Variants in SSBP2 observed in about 807,000 individuals in gnomAD.
SSBP2 encodes single-stranded DNA-binding protein 2.
Under a neutral mutation model 61.8 loss-of-function variants are expected in SSBP2, and 17 were observed. That is an observed-to-expected ratio of 0.28 (90% CI 0.19 to 0.41). SSBP2 has a LOEUF of 0.41. Ranked by LOEUF, SSBP2 falls within the 10% of genes least tolerant of loss-of-function variation. The pLI is 1.00. For missense variants in SSBP2, 310 were observed against 458.7 expected (o/e 0.68, Z 2.96); for synonymous variants, 139 against 141.3 (o/e 0.98, Z 0.12).
intron 1 of SSBP2, among the ~76,000 whole-genome samples, chr5:81,701,734 T>C (rs1753996870): frequency 1.3e-5 from 2 of 152,232 alleles, no homozygotes; most frequent in Admixed American, 6.5e-5. Flanking sequence ...TTTGTCACTT[T>C]GTTCCATCCT....
chr5:81,643,195 T>C (rs1309171842), intron 2 of SSBP2, among the ~76,000 whole-genome samples: 1 of 152,176 alleles, frequency 6.6e-6, no homozygotes, highest in African/African-American at 2.4e-5. Context: ...ATGCCGGCAG[T>C]ACCTTTTTGG....
At chr5:81,668,245 GT>G (rs1230230794) in intron 1 of SSBP2, among the ~76,000 whole-genome samples, 1 of 54,758 alleles carries the variant, frequency 1.8e-5, no homozygotes, top group African/African-American at 8.3e-5. Context: ...TTATATGGAA[GT>G]TTAAAAAAAA....
intron 15 of SSBP2, among the ~76,000 whole-genome samples, chr5:81,432,340 CATG>C (rs1402093593): frequency 6.6e-6 from 1 of 152,128 alleles, no homozygotes; most frequent in Non-Finnish European, 1.5e-5. Context: ...ATTTATTAAA[CATG>C]ATATGATCAG....
rs1765312338 is a variant in SSBP2, at chr5:81,472,473, C to G, written c.570+1227G>C. On this transcript the variant is annotated intron_variant, in intron 8 of 16. Coordinates refer to ENST00000320672, the MANE Select transcript of SSBP2 (RefSeq NM_012446.5). ...ATGTTTATTTCTAAATGGTTTTCTACTGTTTTCCCATTCTATAATGAAATA... is the reference window on the plus strand; with the variant it reads ...ATGTTTATTTCTAAATGGTTTTCTAGTGTTTTCCCATTCTATAATGAAATA... 2.0e-5 allele frequency among the ~76,000 whole-genome samples: 3 copies of G among 152,278 alleles called. No homozygotes were observed. In the South Asian group the frequency reaches 6.2e-4, roughly 32 times the overall value.
chr5:81,588,009 G>A (rs1176296897), intron 4 of SSBP2, among the ~76,000 whole-genome samples: 2 of 152,116 alleles, frequency 1.3e-5, no homozygotes, highest in Non-Finnish European at 2.9e-5. Flanking sequence ...CTGTTGCCCA[G>A]GCTGGAGTGC....
chr5:81,583,876 C>A (rs752463338), intron 4 of SSBP2, among the ~76,000 whole-genome samples: 3 of 152,212 alleles, frequency 2.0e-5, no homozygotes, highest in Non-Finnish European at 4.4e-5. Flanking sequence ...TATTTCAAAT[C>A]TACCTTCATC....
intron 4 of SSBP2, among the ~76,000 whole-genome samples, chr5:81,559,137 C>T (rs554819924): frequency 1.7e-3 from 255 of 152,088 alleles, no homozygotes; most frequent in Non-Finnish European, 3.1e-3. Flanking sequence ...CCTGTAATCC[C>T]AGCACTTTGA....
chr5:81,685,466 A>G (rs925238597), intron 1 of SSBP2, among the ~76,000 whole-genome samples: 1 of 152,172 alleles, frequency 6.6e-6, no homozygotes, highest in Non-Finnish European at 1.5e-5. Flanking sequence ...GGAGGGAAAG[A>G]AGGAGTATAT....
At chr5:81,601,508 G>T (rs992311251) in intron 4 of SSBP2, among the ~76,000 whole-genome samples, 2 of 152,168 alleles carry the variant, frequency 1.3e-5, no homozygotes, top group Admixed American at 1.3e-4. Context: ...TCCTGGTACA[G>T]TTATTATACT....
At chr5:81,439,184 TC>T (rs1161164130) in intron 14 of SSBP2, among the ~76,000 whole-genome samples, 1 of 152,144 alleles carries the variant, frequency 6.6e-6, no homozygotes, top group Non-Finnish European at 1.5e-5. Context: ...CCTAAATTAC[TC>T]ATGAACATAT....
At chr5:81,697,922 T>G (rs192754430) in intron 1 of SSBP2, among the ~76,000 whole-genome samples, 1 of 152,194 alleles carries the variant, frequency 6.6e-6, no homozygotes, top group African/African-American at 2.4e-5. Flanking sequence ...ATTATCTGCC[T>G]CTATGGTAAA....
At chr5:81,434,654 A>AAAAAAAAAAC (rs1762559522) in intron 15 of SSBP2, among the ~76,000 whole-genome samples, 1 of 151,236 alleles carries the variant, frequency 6.6e-6, no homozygotes, top group Non-Finnish European at 1.5e-5. Flanking sequence ...AAAAAAAAAA[A>AAAAAAAAAAC]AAAGACACAA....
intron 4 of SSBP2, among the ~76,000 whole-genome samples, chr5:81,538,744 G>C (rs1771010619): frequency 6.6e-6 from 1 of 152,170 alleles, no homozygotes; most frequent in South Asian, 2.1e-4. Context: ...CTCTGCCTGT[G>C]TTCTATAAAT....
intron 9 of SSBP2, among the ~76,000 whole-genome samples, chr5:81,464,571 T>A (rs1279750174): frequency 6.6e-6 from 1 of 152,136 alleles, no homozygotes; most frequent in African/African-American, 2.4e-5. Flanking sequence ...AGTTGTCAGT[T>A]AGAATATAGT....
intron 1 of SSBP2, among the ~76,000 whole-genome samples, chr5:81,741,316 C>A (rs925946050): frequency 4.6e-5 from 7 of 152,078 alleles, no homozygotes; most frequent in African/African-American, 1.7e-4. Flanking sequence ...TGGTAGTTGT[C>A]AAGGGCACAT....
At chr5:81,712,974 C>T (rs141638003) in intron 1 of SSBP2, among the ~76,000 whole-genome samples, 5,734 of 151,964 alleles carry the variant, frequency 0.038, 390 homozygotes, top group African/African-American at 0.13. Flanking sequence ...GCAATCCACC[C>T]ACCTCAGCCT....
rs558268123 is a variant in SSBP2 at position 81,654,522 on chromosome 5, T to C, written c.63-4183A>G. On this transcript the variant is annotated intron_variant, in intron 1 of 16. Transcript: ENST00000320672. The stretch of plus-strand genomic sequence containing the variant: ...ATCATGTATTGGATTCTAAGGACAC[T>C]ATCTCTCCCACATTTGCCACTCCTT... 4.3e-4 allele frequency among the ~76,000 whole-genome samples: 65 copies of C among 152,292 alleles called. 1 individual carries two copies. The South Asian group carries it at 0.013, about 32-fold the overall frequency.
At chr5:81,546,510 C>T (rs555625695) in intron 4 of SSBP2, among the ~76,000 whole-genome samples, 17 of 151,942 alleles carry the variant, frequency 1.1e-4, no homozygotes, top group East Asian at 5.8e-4. Context: ...AATACCTTCT[C>T]GGTGTCTTCA....
At chr5:81,544,910 A>C (rs1242346053) in intron 4 of SSBP2, among the ~76,000 whole-genome samples, 1 of 152,160 alleles carries the variant, frequency 6.6e-6, no homozygotes. Flanking sequence ...CCTCACACAC[A>C]ATTCCCCATA....
Sources: gnomAD v4.1 joint callset for allele counts (sites outside exome capture counted in the v4.1 genomes callset) on GRCh38, gnomAD v4.1.1 for gene constraint, MANE v1.5 for transcripts, NCBI Gene and HGNC (gene_info 2026-07-23, HGNC 2026-07-21) for gene names.